MED13: variants seen among roughly 807,000 people sequenced by gnomAD.
The protein encoded by MED13 is mediator of RNA polymerase II transcription subunit 13.
MED13 carries 23 observed loss-of-function variants against 225.2 expected under a neutral mutation model. The observed-to-expected ratio is 0.10, with a 90% confidence interval of 0.07 to 0.14. The LOEUF is 0.14. Ranked by LOEUF, MED13 falls within the 10% of genes least tolerant of loss-of-function variation. The pLI, the probability that MED13 is intolerant of heterozygous loss-of-function variation, is 1.00. For synonymous variants in MED13, 942 were observed against 889.2 expected (o/e 1.06, Z -1.06); for missense variants, 2,197 against 2,594.5 (o/e 0.85, Z 3.33).
intron 24 of MED13, 140 bp downstream of exon 24, chr17:61,956,199 C>A (rs1281018351): frequency 3.8e-6 from 3 of 783,302 alleles, no homozygotes; most frequent in African/African-American, 1.8e-5. Context: ...TTGAATTAAG[C>A]CATTTGTGGC....
At chr17:61,990,589 C>CTA (rs150828631) in intron 11 of MED13, among the ~76,000 whole-genome samples, 359 of 143,126 alleles carry the variant, frequency 2.5e-3, no homozygotes, top group African/African-American at 6.7e-3. Context: ...TAGGGTCTCA[C>CTA]TATATATATA....
At chr17:62,020,212 T>C (rs188190186) in intron 8 of MED13, among the ~76,000 whole-genome samples, 271 of 151,254 alleles carry the variant, frequency 1.8e-3, no homozygotes, top group African/African-American at 6.1e-3. Flanking sequence ...AATGTATTGC[T>C]TTTTACTTAG....
At chr17:61,981,131 T>C (rs894353198) in intron 16 of MED13, among the ~76,000 whole-genome samples, 3 of 152,032 alleles carry the variant, frequency 2.0e-5, no homozygotes, top group African/African-American at 7.3e-5. Context: ...CAAGTAATTA[T>C]CCTGCCTTAG....
chr17:61,947,129 CTATGT>C lies in MED13; in HGVS notation c.6292-117_6292-113del. 3 of 668,154 alleles carry C rather than the reference CTATGT, an allele frequency of 4.5e-6. No homozygotes were observed. The South Asian group carries it at 6.0e-5, about 13-fold the overall frequency. 41.4% of individuals were successfully genotyped at this position (668,154 alleles called of 1,614,324 possible). On this transcript the variant is annotated intron_variant, in intron 28 of 29. Coordinates refer to ENST00000397786, the MANE Select transcript of MED13 (RefSeq NM_005121.3). ...TAAAATGATGAAATACATTTTAGTCCTATGTTATGAATGAAAGCCACTATAAAAAT... is the reference window on the plus strand; with the variant it reads ...TAAAATGATGAAATACATTTTAGTCCTATGAATGAAAGCCACTATAAAAAT...
Position 61,983,088 on chromosome 17 carries a change from T to A in MED13, c.2915A>T (p.Tyr972Phe). Residue 972 changes from tyrosine to phenylalanine, a missense_variant, in exon 16 of 30, where the codon TAT becomes TTT. By Grantham distance (22) the Tyr-to-Phe change is conservative (BLOSUM62 3). Coordinates refer to ENST00000397786, the MANE Select transcript of MED13 (RefSeq NM_005121.3). ...AGTTTGAGGTGTATAAGCAGTGCCA[T>A]ATTCTTGATCCATATTACTTCCATC... ...EGDGSNMDQE[Y>F]GTAYTPQTHT... The A allele has an allele frequency of 6.2e-7, 1 of 1,611,392 alleles. No homozygotes were observed. The highest frequency in any genetic ancestry group is 8.5e-7 in the Non-Finnish European group (1 of 1,178,504).
At chr17:61,991,730 A>C (rs1406821486) in intron 11 of MED13, among the ~76,000 whole-genome samples, 1 of 151,982 alleles carries the variant, frequency 6.6e-6, no homozygotes, top group Admixed American at 6.6e-5. Context: ...GGATGGTCTC[A>C]ATCTCTTGAC....
At chr17:61,954,644 G>T (rs992974838) in intron 26 of MED13, among the ~76,000 whole-genome samples, 1 of 152,136 alleles carries the variant, frequency 6.6e-6, no homozygotes, top group African/African-American at 2.4e-5. Flanking sequence ...AGGCATGGTG[G>T]CATGTGCCTG....
At chr17:62,022,747 T>C (rs1044953459) in intron 8 of MED13, among the ~76,000 whole-genome samples, 4 of 152,160 alleles carry the variant, frequency 2.6e-5, no homozygotes, top group Non-Finnish European at 2.9e-5. Flanking sequence ...TGGTGGCTCA[T>C]GCCTGTAATC....
intron 16 of MED13, among the ~76,000 whole-genome samples, chr17:61,979,579 A>G (rs1039381993): frequency 2.6e-5 from 4 of 152,106 alleles, no homozygotes; most frequent in Non-Finnish European, 5.9e-5. Context: ...AAATGCTGGG[A>G]TTACAGCCAT....
intron 2 of MED13, among the ~76,000 whole-genome samples, chr17:62,054,507 A>T (rs527808064): frequency 5.6e-4 from 86 of 152,298 alleles, no homozygotes; most frequent in Non-Finnish European, 8.8e-4. Context: ...TATGGGTTTC[A>T]CTTCATTAAA....
At chr17:62,051,895 C>G (rs2080960206) in intron 3 of MED13, among the ~76,000 whole-genome samples, 1 of 152,166 alleles carries the variant, frequency 6.6e-6, no homozygotes, top group Non-Finnish European at 1.5e-5. Context: ...CTTATATTAT[C>G]TAAATCACGG....
At chr17:61,951,035 C>A (rs558499940) in intron 27 of MED13, 37 bp from the exon 28 acceptor site, 2 of 1,533,486 alleles carry the variant, frequency 1.3e-6, no homozygotes, top group South Asian at 2.4e-5. Flanking sequence ...TTAGTTCACT[C>A]AGTGTAACTA....
In MED13 at chr17:61,956,202, T is replaced by C. The variant is rs1211939621; in HGVS notation, c.5623+137A>G. 4 of 835,346 alleles carry C rather than the reference T, an allele frequency of 4.8e-6. No individual in the cohort carries two copies. In the African/African-American group the frequency reaches 7.1e-5, roughly 15 times the overall value. 51.7% of individuals were successfully genotyped at this position (835,346 alleles called of 1,614,324 possible). On this transcript the variant is annotated intron_variant, in intron 24 of 29. Transcript: ENST00000397786. ...TCTTTTTAAAATTTGAATTAAGCCA[T>C]TTGTGGCCTAGACATATGTGGTTCC...
intron 9 of MED13, among the ~76,000 whole-genome samples, chr17:62,008,155 A>G (rs376340300): frequency 1.3e-5 from 2 of 151,106 alleles, no homozygotes; most frequent in East Asian, 2.0e-4. Flanking sequence ...CGTCTCTACT[A>G]AAAAATATAA....
chr17:62,045,446 C>T (rs970711758), intron 3 of MED13, among the ~76,000 whole-genome samples: 5 of 151,934 alleles, frequency 3.3e-5, no homozygotes, highest in African/African-American at 1.2e-4. Flanking sequence ...CCAATTAGGC[C>T]CAGAAGTTTG....
intron 3 of MED13, among the ~76,000 whole-genome samples, chr17:62,036,587 T>C (rs2080805750): frequency 6.6e-6 from 1 of 152,238 alleles, no homozygotes; most frequent in Non-Finnish European, 1.5e-5. Context: ...GTTTTATATA[T>C]GTATAAGCCC....
intron 3 of MED13, among the ~76,000 whole-genome samples, chr17:62,051,727 G>A (rs1412417206): frequency 6.6e-6 from 1 of 152,082 alleles, no homozygotes; most frequent in Non-Finnish European, 1.5e-5. Context: ...TCAACCAAAT[G>A]TTCACTTCAC....
chr17:61,963,192 T>A (rs1315915946), intron 20 of MED13, among the ~76,000 whole-genome samples: 1 of 101,902 alleles, frequency 9.8e-6, no homozygotes, highest in South Asian at 3.4e-4. Flanking sequence ...AGGTCTTGCC[T>A]TAAATTTACC....
intron 3 of MED13, among the ~76,000 whole-genome samples, chr17:62,043,181 AAAAG>A (rs1323468206): frequency 0.023 from 3,038 of 133,572 alleles, 101 homozygotes; most frequent in South Asian, 0.1. Flanking sequence ...AAAAAAAAAA[AAAAG>A]AAAGAAAGAA....
Sources: gnomAD v4.1 joint callset for allele counts (sites outside exome capture counted in the v4.1 genomes callset) on GRCh38, gnomAD v4.1.1 for gene constraint, MANE v1.5 for transcripts, NCBI Gene and HGNC (gene_info 2026-07-23, HGNC 2026-07-21) for gene names.